SMYD3: variants seen among roughly 807,000 people sequenced by gnomAD.
SMYD3 encodes the protein histone-lysine N-methyltransferase SMYD3.
SMYD3 carries 36 observed loss-of-function variants against 57.7 expected under a neutral mutation model. The observed-to-expected ratio is 0.62, with a 90% CI of 0.48 to 0.82. SMYD3 has a LOEUF of 0.82. SMYD3 is among the 40% of genes least tolerant of loss of function. SMYD3 has a pLI of 0.00. For missense variants in SMYD3, 515 were observed against 538.8 expected (o/e 0.96, Z 0.44); for synonymous variants, 211 against 195.0 (o/e 1.08, Z -0.68).
At chr1:246,482,959 CTAGT>C (rs566210863) in intron 1 of SMYD3, among the ~76,000 whole-genome samples, 1 of 152,256 alleles carries the variant, frequency 6.6e-6, no homozygotes, top group South Asian at 2.1e-4. Flanking sequence ...GGGGATGAAA[CTAGT>C]TAACCCAAAT....
At chr1:246,080,471 C>T (rs2060622110) in intron 5 of SMYD3, among the ~76,000 whole-genome samples, 1 of 152,164 alleles carries the variant, frequency 6.6e-6, no homozygotes, top group South Asian at 2.1e-4. Flanking sequence ...CATCCATCCC[C>T]TCCTCACCGC....
At chr1:246,042,158 A>G (rs763936902) in intron 5 of SMYD3, among the ~76,000 whole-genome samples, 1 of 152,202 alleles carries the variant, frequency 6.6e-6, no homozygotes, top group Non-Finnish European at 1.5e-5. Flanking sequence ...AGGCACAGCT[A>G]CAAAGAAAAG....
intron 5 of SMYD3, among the ~76,000 whole-genome samples, chr1:246,044,448 G>A (rs1338858706): frequency 6.6e-6 from 1 of 152,158 alleles, no homozygotes; most frequent in African/African-American, 2.4e-5. Context: ...GATGATGCCA[G>A]TACAAGAACT....
At chr1:246,207,940 G>C (rs2063026238) in intron 5 of SMYD3, among the ~76,000 whole-genome samples, 1 of 152,022 alleles carries the variant, frequency 6.6e-6, no homozygotes, top group Admixed American at 6.5e-5. Context: ...TGCATTAATT[G>C]GTCTAGTTAA....
At chr1:245,999,511 T>G (rs1288413639) in intron 5 of SMYD3, among the ~76,000 whole-genome samples, 1 of 152,144 alleles carries the variant, frequency 6.6e-6, no homozygotes, top group Non-Finnish European at 1.5e-5. Flanking sequence ...AACCTAGATT[T>G]AAACCCAGAA....
intron 11 of SMYD3, among the ~76,000 whole-genome samples, chr1:245,759,803 G>A (rs1008828309): frequency 8.5e-5 from 13 of 152,148 alleles, no homozygotes; most frequent in African/African-American, 2.9e-4. Context: ...CGAGGGGAAA[G>A]AAGTCTAACT....
chr1:245,922,267 A>G (rs2056026507), intron 7 of SMYD3, among the ~76,000 whole-genome samples: 1 of 152,240 alleles, frequency 6.6e-6, no homozygotes, highest in Non-Finnish European at 1.5e-5. Context: ...GCACCGGCTC[A>G]TTTCAGACTT....
chr1:246,213,169 G>A (rs574560937), intron 5 of SMYD3, among the ~76,000 whole-genome samples: 44 of 152,200 alleles, frequency 2.9e-4, no homozygotes, highest in African/African-American at 1.0e-3. Flanking sequence ...ATATGATGTC[G>A]ACACAGATAC....
At chr1:246,172,836 C>G (rs1443666408) in intron 5 of SMYD3, among the ~76,000 whole-genome samples, 2 of 149,308 alleles carry the variant, frequency 1.3e-5, no homozygotes, top group Admixed American at 6.6e-5. Flanking sequence ...TCACTGTACT[C>G]TACTGTAGAC....
intron 5 of SMYD3, among the ~76,000 whole-genome samples, chr1:246,249,288 G>C (rs2063761523): frequency 7.0e-6 from 1 of 143,334 alleles, no homozygotes; most frequent in Non-Finnish European, 1.5e-5. Context: ...ATTTTTAGTA[G>C]AGACAGGGTT....
intron 11 of SMYD3, among the ~76,000 whole-genome samples, chr1:245,754,657 C>T (rs191186342): frequency 2.0e-5 from 3 of 152,358 alleles, no homozygotes; most frequent in Admixed American, 1.3e-4. Context: ...GGAGACCCCA[C>T]TCCACTCTAC....
intron 10 of SMYD3, among the ~76,000 whole-genome samples, chr1:245,808,098 C>T (rs886933806): frequency 2.8e-4 from 42 of 152,322 alleles, no homozygotes; most frequent in African/African-American, 9.6e-4. Context: ...CAATAATAAA[C>T]TGGCTGTTCC....
chr1:246,190,789 C>A (rs1486602871), intron 5 of SMYD3, among the ~76,000 whole-genome samples: 1 of 152,046 alleles, frequency 6.6e-6, no homozygotes, highest in Non-Finnish European at 1.5e-5. Flanking sequence ...TGTTCTCCAG[C>A]TATCATTTTT....
chr1:245,941,226 G>A (rs1257992211), intron 5 of SMYD3, among the ~76,000 whole-genome samples: 2 of 152,108 alleles, frequency 1.3e-5, no homozygotes, highest in Non-Finnish European at 2.9e-5. Flanking sequence ...GAACAAAACC[G>A]AGTTGGAAAA....
intron 10 of SMYD3, 50 bp from the exon 11 acceptor site, chr1:245,764,199 T>A (rs373517396): frequency 5.5e-6 from 7 of 1,269,166 alleles, no homozygotes; most frequent in Non-Finnish European, 8.1e-6. Context: ...ACCTTTGCAG[T>A]CAGCATTTCA....
intron 5 of SMYD3, among the ~76,000 whole-genome samples, chr1:246,042,898 T>C (rs1009983150): frequency 6.6e-6 from 1 of 152,184 alleles, no homozygotes; most frequent in African/African-American, 2.4e-5. Context: ...CTCATTTTGT[T>C]GAGGCTATTT....
intron 5 of SMYD3, among the ~76,000 whole-genome samples, chr1:246,319,090 T>C (rs1229185119): frequency 6.6e-6 from 1 of 152,244 alleles, no homozygotes; most frequent in Non-Finnish European, 1.5e-5. Context: ...CTGAGAATAA[T>C]TGTCTCCTGA....
intron 5 of SMYD3, among the ~76,000 whole-genome samples, chr1:246,175,621 G>T (rs1475506048): frequency 6.6e-6 from 1 of 152,102 alleles, no homozygotes; most frequent in East Asian, 1.9e-4. Flanking sequence ...TTCACAGGGT[G>T]GTCATTCACT....
At chr1:246,245,321 T>TA (rs2063684434) in intron 5 of SMYD3, among the ~76,000 whole-genome samples, 2 of 152,038 alleles carry the variant, frequency 1.3e-5, no homozygotes, top group South Asian at 4.1e-4. Context: ...CACATGCCTG[T>TA]AATCCCAGCT....
Sources: gnomAD v4.1 joint callset for allele counts (sites outside exome capture counted in the v4.1 genomes callset) on GRCh38, gnomAD v4.1.1 for gene constraint, MANE v1.5 for transcripts, NCBI Gene and HGNC (gene_info 2026-07-23, HGNC 2026-07-21) for gene names.